The following LEF1 variants were observed in gnomAD, a reference collection of about 807,000 sequenced individuals.
LEF1 encodes the protein lymphoid enhancer-binding factor 1.
LEF1 carries 14 observed loss-of-function variants against 51.2 expected under a neutral mutation model. The ratio of observed to expected loss-of-function variants is 0.27; its 90% CI spans 0.18 to 0.43. The LOEUF (loss-of-function observed/expected upper bound fraction) is 0.43. Ranked by LOEUF, LEF1 falls within the 20% of genes least tolerant of loss-of-function variation. LEF1 has a pLI of 1.00. For missense variants in LEF1, 386 were observed against 512.0 expected (o/e 0.75, Z 2.37); for synonymous variants, 185 against 183.2 (o/e 1.01, Z -0.08).
At chr4:108,104,619 C>T (rs1741037015) in intron 3 of LEF1, 9 of 903,788 alleles carry the variant, frequency 1.0e-5, no homozygotes, top group Non-Finnish European at 1.1e-5. Context: ...CAGCAAAGTA[C>T]GACATATTGT....
Position 108,108,700 on chromosome 4 carries a change from C to G in LEF1, c.415-19443G>C, listed in dbSNP as rs1741332969. Among the ~76,000 whole-genome samples the G allele has an allele frequency of 2.0e-5, 3 of 152,122 alleles. No individual in the cohort carries two copies. The South Asian group carries it at 6.2e-4, about 32-fold the overall frequency. On this transcript the variant is annotated intron_variant, in intron 3 of 11. Coordinates refer to ENST00000265165, the MANE Select transcript of LEF1 (RefSeq NM_016269.5). Reference sequence around the variant, plus strand: ...TCACTCAAGAAACCAATACAAATCACTAACTTCTCAGTTTCTTTATTTATA... The same window carrying G: ...TCACTCAAGAAACCAATACAAATCAGTAACTTCTCAGTTTCTTTATTTATA...
chr4:108,106,152 AAAGTACTTAAGTAAAT>A (rs1741151670), intron 3 of LEF1, among the ~76,000 whole-genome samples: 2 of 152,184 alleles, frequency 1.3e-5, no homozygotes, highest in African/African-American at 4.8e-5. Flanking sequence ...TCCAACTCAA[AAAGTACTTAAGTAAAT>A]AAATGCCTAC....
chr4:108,068,939 C>T (rs962480220), intron 9 of LEF1, among the ~76,000 whole-genome samples: 3 of 152,192 alleles, frequency 2.0e-5, no homozygotes, highest in Non-Finnish European at 4.4e-5. Flanking sequence ...GCTTGTCTCA[C>T]GTAGACCCTG....
chr4:108,066,631 A>G (rs1157014778), intron 9 of LEF1, among the ~76,000 whole-genome samples: 1 of 152,232 alleles, frequency 6.6e-6, no homozygotes, highest in African/African-American at 2.4e-5. Flanking sequence ...GTTACCTTCT[A>G]GGATATCAAC....
intron 11 of LEF1, among the ~76,000 whole-genome samples, chr4:108,061,113 G>A (rs1459960258): frequency 6.6e-6 from 1 of 152,172 alleles, no homozygotes; most frequent in Admixed American, 6.5e-5. Flanking sequence ...AAGGCTGCAT[G>A]ACTGATCCGG....
intron 3 of LEF1, among the ~76,000 whole-genome samples, chr4:108,098,876 G>A (rs952989083): frequency 6.6e-6 from 1 of 152,110 alleles, no homozygotes. Context: ...TAAAGTTATT[G>A]GAAAACTCAA....
At chr4:108,135,906 C>A (rs973777617) in intron 3 of LEF1, among the ~76,000 whole-genome samples, 4 of 152,146 alleles carry the variant, frequency 2.6e-5, no homozygotes, top group African/African-American at 7.2e-5. Context: ...CCCTTTCCCC[C>A]AATCCTGCCC....
At chr4:108,141,824 C>A (rs938049497) in intron 3 of LEF1, among the ~76,000 whole-genome samples, 1 of 151,714 alleles carries the variant, frequency 6.6e-6, no homozygotes, top group Non-Finnish European at 1.5e-5. Flanking sequence ...TAACAAAAGC[C>A]GAAGGATGAC....
intron 11 of LEF1, among the ~76,000 whole-genome samples, chr4:108,057,035 G>A (rs1056074525): frequency 6.6e-6 from 1 of 151,896 alleles, no homozygotes; most frequent in Non-Finnish European, 1.5e-5. Context: ...CCTGGCTGCC[G>A]TGCGACACTT....
intron 3 of LEF1, among the ~76,000 whole-genome samples, chr4:108,141,463 G>T (rs149260394): frequency 6.6e-6 from 1 of 152,082 alleles, no homozygotes; most frequent in Non-Finnish European, 1.5e-5. Flanking sequence ...TCTGCTCCCC[G>T]TCTTCACACA....
chr4:108,048,435 G>A lies in LEF1; in HGVS notation c.*323C>T, dbSNP rs1409305838. The A allele has an allele frequency of 9.0e-6, 3 of 335,044 alleles. No homozygotes were observed. Among genetic ancestry groups the A allele is most frequent in the Middle Eastern group, 3.7e-4 (1 of 2,732 alleles). The allele number at this position is 335,044 out of a possible 1,614,324, so 20.8% of individuals were successfully genotyped here. On this transcript the variant is annotated 3_prime_UTR_variant, in exon 12 of 12. Transcript: ENST00000265165. The stretch of plus-strand genomic sequence containing the variant: ...CTCTGGGAAGTGCACGCAGATATGA[G>A]GGGAGAAAAGCTGCTCAGCTGCCCC...
chr4:108,119,918 ATC>A (rs1742057383), intron 3 of LEF1, among the ~76,000 whole-genome samples: 1 of 152,144 alleles, frequency 6.6e-6, no homozygotes, highest in Non-Finnish European at 1.5e-5. Flanking sequence ...TTAAAAAACA[ATC>A]TGTTTAAATT....
intron 3 of LEF1, among the ~76,000 whole-genome samples, chr4:108,107,758 C>T (rs575526211): frequency 4.8e-4 from 73 of 152,242 alleles, no homozygotes; most frequent in Non-Finnish European, 9.0e-4. Context: ...TGGAGTCTAA[C>T]AGTCCAATTT....
chr4:108,079,855 A>C (rs552330839), intron 6 of LEF1, among the ~76,000 whole-genome samples: 4 of 152,374 alleles, frequency 2.6e-5, no homozygotes, highest in Admixed American at 6.5e-5. Context: ...AATTTCACGA[A>C]AAGTAATTAT....
chr4:108,095,592 G>T (rs570010780), intron 3 of LEF1, among the ~76,000 whole-genome samples: 4 of 152,218 alleles, frequency 2.6e-5, no homozygotes, highest in South Asian at 4.2e-4. Context: ...GAGGAACAGT[G>T]GACCACTTGG....
intron 3 of LEF1, among the ~76,000 whole-genome samples, chr4:108,161,966 A>G (rs186172543): frequency 7.2e-5 from 11 of 152,268 alleles, no homozygotes; most frequent in African/African-American, 2.4e-4. Flanking sequence ...CAGCAAAAAA[A>G]CCTGCCCAAA....
rs779591951 is a variant in LEF1 at position 108,083,391 on chromosome 4, C to T, written c.603G>A (p.Pro201=). The T allele has an allele frequency of 9.9e-6, 16 of 1,613,558 alleles. No individual in the cohort carries two copies. The highest frequency in any genetic ancestry group is 3.3e-5 in the South Asian group (3 of 91,064). Residue 201 remains proline, a synonymous_variant, in exon 5 of 12, where the codon CCG becomes CCA. Coordinates refer to ENST00000265165, the MANE Select transcript of LEF1 (RefSeq NM_016269.5). ...GTGGGGTGATCTGTCCAACACCACC[C>T]GGAGACAAGGGATAAAAAGTAGGGA... ...PDIPTFYPLS[P]GGVGQITPPL...
At chr4:108,081,722 C>CAGTA in intron 5 of LEF1, 53 bp from the exon 6 acceptor site, 1 of 1,316,206 alleles carries the variant, frequency 7.6e-7, no homozygotes, top group Non-Finnish European at 1.1e-6. Flanking sequence ...AGTTACCAAC[C>CAGTA]AGTAGTAAGA....
chr4:108,162,753 C>T (rs1016098560), intron 3 of LEF1, among the ~76,000 whole-genome samples: 2 of 152,018 alleles, frequency 1.3e-5, no homozygotes, highest in East Asian at 1.9e-4. Context: ...GTAAAAAGTC[C>T]GTCACCAACG....
Sources: gnomAD v4.1 joint callset for allele counts (sites outside exome capture counted in the v4.1 genomes callset) on GRCh38, gnomAD v4.1.1 for gene constraint, MANE v1.5 for transcripts, NCBI Gene and HGNC (gene_info 2026-07-23, HGNC 2026-07-21) for gene names.